HS3ST4: variants seen among roughly 807,000 people sequenced by gnomAD.
HS3ST4 encodes heparan sulfate glucosamine 3-O-sulfotransferase 4.
Under a neutral mutation model 29.2 loss-of-function variants are expected in HS3ST4, and 17 were observed. That is an observed-to-expected ratio of 0.58 (90% CI 0.40 to 0.87). The LOEUF is 0.87. Ranked by LOEUF, HS3ST4 falls within the 40% of genes least tolerant of loss-of-function variation. The pLI, the probability that HS3ST4 is intolerant of heterozygous loss-of-function variation, is 0.00. For missense variants in HS3ST4, 627 were observed against 634.5 expected (o/e 0.99, Z 0.13); for synonymous variants, 314 against 285.7 (o/e 1.10, Z -1.00).
chr16:26,013,407 T>C (rs1029379317), intron 1 of HS3ST4, among the ~76,000 whole-genome samples: 8 of 152,118 alleles, frequency 5.3e-5, no homozygotes, highest in African/African-American at 1.9e-4. Context: ...CTCAAGAGGT[T>C]GTTATGAGGA....
chr16:25,873,654 G>GTCCA lies in HS3ST4; in HGVS notation c.734+180506_734+180507insATCC, dbSNP rs1331079188. On this transcript the variant is annotated intron_variant, in intron 1 of 1. Transcript: ENST00000331351. ...CATCCATTCATCCATCCATCCATCCGTCCGTCCATCCATCCATCCATCCAT... is the reference window on the plus strand; with the variant it reads ...CATCCATTCATCCATCCATCCATCCGTCCATCCGTCCATCCATCCATCCATCCAT... Among the ~76,000 whole-genome samples the GTCCA allele has an allele frequency of 5.8e-3, 191 of 32,978 alleles. 3 individuals are homozygous for GTCCA. The highest frequency in any genetic ancestry group is 0.02 in the African/African-American group (179 of 8,734). The allele number at this position is 32,978 out of a possible 152,430, so 21.6% of individuals were successfully genotyped here. A position where few individuals can be genotyped will look rare whatever the true frequency, so the allele number is the denominator to read the frequency against.
At chr16:25,948,693 T>C (rs1351397218) in intron 1 of HS3ST4, among the ~76,000 whole-genome samples, 2 of 152,178 alleles carry the variant, frequency 1.3e-5, no homozygotes, top group Non-Finnish European at 2.9e-5. Context: ...TGATGCTAAA[T>C]GCCACTATCA....
Position 26,082,015 on chromosome 16 carries a change from G to A in HS3ST4, c.735-53597G>A, listed in dbSNP as rs147800907. 3.0e-3 allele frequency among the ~76,000 whole-genome samples: 450 copies of A among 152,130 alleles called. 6 individuals are homozygous for A. The highest frequency in any genetic ancestry group is 0.01 in the African/African-American group (434 of 41,512). On this transcript the variant is annotated intron_variant, in intron 1 of 1. Transcript: ENST00000331351. Reference sequence around the variant, plus strand: ...TCACCATGTTGGCTAGGCTGGTTTCGAACTTCTGTCCTCAGGTGATTCACC... The same window carrying A: ...TCACCATGTTGGCTAGGCTGGTTTCAAACTTCTGTCCTCAGGTGATTCACC...
At chr16:25,868,197 G>A (rs1262380694) in intron 1 of HS3ST4, among the ~76,000 whole-genome samples, 1 of 152,124 alleles carries the variant, frequency 6.6e-6, no homozygotes, top group Non-Finnish European at 1.5e-5. Context: ...GTGCTGCCAG[G>A]ATGGGAACAG....
intron 1 of HS3ST4, among the ~76,000 whole-genome samples, chr16:25,776,949 A>G (rs1966848044): frequency 1.3e-5 from 2 of 152,258 alleles, no homozygotes; most frequent in Admixed American, 6.5e-5. Context: ...CTAACAAAAT[A>G]TAACAGAGAT....
chr16:26,046,145 ATTTTTTTTTTTT>A (rs146624042), intron 1 of HS3ST4, among the ~76,000 whole-genome samples: 4 of 114,638 alleles, frequency 3.5e-5, no homozygotes, highest in Middle Eastern at 0.01. Flanking sequence ...AGGACAGGAA[ATTTTTTTTTTTT>A]TTTTTTTTTT....
At chr16:25,831,336 G>A (rs1182354879) in intron 1 of HS3ST4, among the ~76,000 whole-genome samples, 2 of 151,704 alleles carry the variant, frequency 1.3e-5, no homozygotes, top group Non-Finnish European at 2.9e-5. Flanking sequence ...GCCAAGTTGG[G>A]AGGATGACTG....
chr16:25,889,623 G>T (rs770967706), intron 1 of HS3ST4, among the ~76,000 whole-genome samples: 6 of 152,118 alleles, frequency 3.9e-5, no homozygotes, highest in Non-Finnish European at 7.4e-5. Context: ...GTGAGATTCT[G>T]CTTATGTCTG....
At chr16:26,103,402 G>C (rs1254920651) in intron 1 of HS3ST4, among the ~76,000 whole-genome samples, 1 of 152,066 alleles carries the variant, frequency 6.6e-6, no homozygotes. Flanking sequence ...TTCTTCTCTA[G>C]GGAAGGAAAC....
At chr16:25,716,873 G>T (rs1489120840) in intron 1 of HS3ST4, among the ~76,000 whole-genome samples, 1 of 152,126 alleles carries the variant, frequency 6.6e-6, no homozygotes, top group Non-Finnish European at 1.5e-5. Context: ...GGCCAACATG[G>T]TGAAACCCCA....
In HS3ST4 at chr16:25,814,223, C is replaced by T. The variant is rs190991319; in HGVS notation, c.734+121072C>T. 8.7e-4 allele frequency among the ~76,000 whole-genome samples: 132 copies of T among 151,874 alleles called. 1 individual carries two copies. The highest frequency in any genetic ancestry group is 2.8e-3 in the African/African-American group (115 of 41,362). On this transcript the variant is annotated intron_variant, in intron 1 of 1. Transcript: ENST00000331351. ...AACTGTGAATGTTAGTGTATGGAAA[C>T]GATATGTGAATAAAAATAATTATGG...
intron 1 of HS3ST4, among the ~76,000 whole-genome samples, chr16:25,803,600 A>T (rs1260495450): frequency 1.3e-5 from 2 of 152,078 alleles, no homozygotes; most frequent in East Asian, 1.9e-4. Context: ...TAGACTTTTT[A>T]GTTTTTCATG....
At chr16:25,762,289 G>A (rs1368786683) in intron 1 of HS3ST4, among the ~76,000 whole-genome samples, 1 of 152,198 alleles carries the variant, frequency 6.6e-6, no homozygotes, top group Non-Finnish European at 1.5e-5. Flanking sequence ...CTTGGGAGAG[G>A]CAGGATTTGA....
chr16:25,920,749 G>C (rs1297288336), intron 1 of HS3ST4, among the ~76,000 whole-genome samples: 1 of 151,614 alleles, frequency 6.6e-6, no homozygotes, highest in Non-Finnish European at 1.5e-5. Flanking sequence ...CTACAGGCAT[G>C]CACCAGCATG....
At chr16:25,872,108 A>G (rs546723939) in intron 1 of HS3ST4, among the ~76,000 whole-genome samples, 1 of 152,286 alleles carries the variant, frequency 6.6e-6, no homozygotes, top group East Asian at 1.9e-4. Flanking sequence ...TGCTAAATCA[A>G]TGTCTGCTGA....
At chr16:26,024,924 G>A (rs932856567) in intron 1 of HS3ST4, among the ~76,000 whole-genome samples, 1 of 152,130 alleles carries the variant, frequency 6.6e-6, no homozygotes, top group Non-Finnish European at 1.5e-5. Flanking sequence ...GCTAACAGTT[G>A]CATGGCCAGC....
At chr16:26,105,184 T>A (rs902808016) in intron 1 of HS3ST4, among the ~76,000 whole-genome samples, 19 of 152,150 alleles carry the variant, frequency 1.2e-4, no homozygotes, top group African/African-American at 4.6e-4. Context: ...AACAAAATCA[T>A]GTCATTTGCA....
intron 1 of HS3ST4, among the ~76,000 whole-genome samples, chr16:25,853,827 T>G (rs1056339750): frequency 6.6e-6 from 1 of 152,194 alleles, no homozygotes; most frequent in East Asian, 1.9e-4. Flanking sequence ...TTTCTTGCAG[T>G]ATTCTTGTCT....
At chr16:26,121,175 C>T (rs1468316825) in intron 1 of HS3ST4, among the ~76,000 whole-genome samples, 1 of 152,134 alleles carries the variant, frequency 6.6e-6, no homozygotes, top group Non-Finnish European at 1.5e-5. Context: ...ATGGCAGAGC[C>T]AGGATCCCAG....
Sources: allele counts gnomAD v4.1 joint callset (sites outside exome capture counted in the v4.1 genomes callset), GRCh38; gene constraint gnomAD v4.1.1; transcripts MANE v1.5; gene names NCBI Gene and HGNC (gene_info 2026-07-23, HGNC 2026-07-21).